QKI: variants seen among roughly 807,000 people sequenced by gnomAD.
QKI encodes the protein KH domain-containing RNA-binding protein QKI.
A neutral mutation model predicts 39.0 loss-of-function variants in QKI; 10 were observed. The ratio of observed to expected loss-of-function variants is 0.26; its 90% CI spans 0.16 to 0.43. The LOEUF is 0.43. QKI is among the 20% of genes least tolerant of loss of function. The pLI is 1.00. For synonymous variants in QKI, 204 were observed against 155.4 expected (o/e 1.31, Z -2.33); for missense variants, 218 against 428.0 (o/e 0.51, Z 4.33).
intron 1 of QKI, among the ~76,000 whole-genome samples, chr6:163,454,107 C>T (rs1314340633): frequency 6.6e-6 from 1 of 152,156 alleles, no homozygotes; most frequent in African/African-American, 2.4e-5. Context: ...GCAAGCCTTT[C>T]TCCCAAGGAG....
intron 1 of QKI, among the ~76,000 whole-genome samples, chr6:163,442,126 G>A (rs1384966802): frequency 2.0e-5 from 3 of 152,172 alleles, no homozygotes; most frequent in Admixed American, 2.0e-4. Flanking sequence ...GCAACAGATT[G>A]AATTCAAGAG....
intron 2 of QKI, among the ~76,000 whole-genome samples, chr6:163,462,877 T>G (rs2128221122): frequency 6.6e-6 from 1 of 152,330 alleles, no homozygotes; most frequent in South Asian, 2.1e-4. Flanking sequence ...TTAAGATTTC[T>G]TTATCTTTTA....
At chr6:163,441,819 C>G (rs1789780630) in intron 1 of QKI, among the ~76,000 whole-genome samples, 1 of 152,082 alleles carries the variant, frequency 6.6e-6, no homozygotes, top group African/African-American at 2.4e-5. Flanking sequence ...CTTGTGTGGA[C>G]TTGTAGCCAG....
At chr6:163,559,004 C>G (rs947670458) in intron 4 of QKI, among the ~76,000 whole-genome samples, 11 of 152,206 alleles carry the variant, frequency 7.2e-5, no homozygotes, top group African/African-American at 2.7e-4. Flanking sequence ...TTTTCATTAT[C>G]CTGCACCCTG....
rs1783786188 is a variant in QKI, at chr6:163,572,877, G to A, written c.*2167G>A. Reference sequence around the variant, plus strand: ...GCTAGCTTTGGTTTAATATGCCACTGCTTTGTCTTTCTGTTACACATACAG... The same window carrying A: ...GCTAGCTTTGGTTTAATATGCCACTACTTTGTCTTTCTGTTACACATACAG... On this transcript the variant is annotated 3_prime_UTR_variant, in exon 8 of 8. Transcript: ENST00000361752. 6.6e-6 allele frequency: 1 copy of A among 152,018 alleles called. No individual in the cohort carries two copies. Among genetic ancestry groups the A allele is most frequent in the African/African-American group, 2.4e-5 (1 of 41,388 alleles). 9.4% of individuals were successfully genotyped at this position (152,018 alleles called of 1,614,324 possible).
rs1791151767 is a variant in QKI, at chr6:163,459,096, C to T, written c.285+3675C>T. On this transcript the variant is annotated intron_variant, in intron 2 of 7. Coordinates refer to ENST00000361752, the MANE Select transcript of QKI (RefSeq NM_006775.3). ...GTCTACTGGTTAGGGTGAAGCCTAG[C>T]TTGATTGAGGCTAACTGGGTGGGTT... Among the ~76,000 whole-genome samples the T allele has an allele frequency of 2.0e-5, 3 of 152,192 alleles. No homozygotes were observed. In the South Asian group the frequency reaches 6.2e-4, roughly 32 times the overall value.
intron 2 of QKI, among the ~76,000 whole-genome samples, chr6:163,471,292 G>C (rs1173038081): frequency 6.6e-6 from 1 of 152,102 alleles, no homozygotes; most frequent in East Asian, 1.9e-4. Context: ...AAAATGGAGA[G>C]AGTTCATTAC....
intron 4 of QKI, among the ~76,000 whole-genome samples, chr6:163,545,162 A>G (rs988609486): frequency 6.6e-5 from 10 of 152,142 alleles, no homozygotes; most frequent in Non-Finnish European, 1.2e-4. Flanking sequence ...GCTTTGGGAA[A>G]AATGATGGCG....
chr6:163,466,238 G>A (rs1791741969), intron 2 of QKI, among the ~76,000 whole-genome samples: 1 of 151,844 alleles, frequency 6.6e-6, no homozygotes, highest in Admixed American at 6.6e-5. Context: ...GTATAACACT[G>A]ATCAAATAAA....
At chr6:163,548,546 T>C (rs1398457952) in intron 4 of QKI, among the ~76,000 whole-genome samples, 5 of 152,162 alleles carry the variant, frequency 3.3e-5, no homozygotes, top group South Asian at 2.1e-4. Flanking sequence ...CAGGTAAATA[T>C]TGTGGTATAT....
At chr6:163,440,232 T>G (rs1789664560) in intron 1 of QKI, among the ~76,000 whole-genome samples, 1 of 152,212 alleles carries the variant, frequency 6.6e-6, no homozygotes, top group South Asian at 2.1e-4. Context: ...CAAATTTAAC[T>G]TTGGGGATGG....
intron 3 of QKI, among the ~76,000 whole-genome samples, chr6:163,496,154 G>A (rs1172675572): frequency 6.6e-6 from 1 of 152,102 alleles, no homozygotes; most frequent in Non-Finnish European, 1.5e-5. Context: ...TATCCCATTC[G>A]TTTGCTGATT....
Position 163,576,400 on chromosome 6 carries a change from ATGT to A in QKI, c.*5696_*5698del, listed in dbSNP as rs939084802. 8 of 152,166 alleles carry A rather than the reference ATGT, an allele frequency of 5.3e-5. No individual in the cohort carries two copies. Among genetic ancestry groups the A allele is most frequent in the Non-Finnish European group, 7.3e-5 (5 of 68,036 alleles). The allele number at this position is 152,166 out of a possible 1,614,324, so 9.4% of individuals were successfully genotyped here. ...GCCACAGTGTTGATTCCACATTATA[ATGT>A]TGTTGCCTCTTCTTGGCAAAAGACA... On this transcript the variant is annotated 3_prime_UTR_variant, in exon 8 of 8. Coordinates refer to ENST00000361752, the MANE Select transcript of QKI (RefSeq NM_006775.3).
chr6:163,522,294 C>G (rs1388232879), intron 3 of QKI, among the ~76,000 whole-genome samples: 1 of 152,092 alleles, frequency 6.6e-6, no homozygotes, highest in Admixed American at 6.5e-5. Context: ...TGTCTGTTCA[C>G]TTGCCTGTCA....
At chr6:163,461,865 CAGTCAAAGGTTATACTG>C (rs1340561453) in intron 2 of QKI, among the ~76,000 whole-genome samples, 1 of 152,176 alleles carries the variant, frequency 6.6e-6, no homozygotes, top group African/African-American at 2.4e-5. Context: ...GGCTATGAAG[CAGTCAAAGGTTATACTG>C]CTTGAACTCT....
At chr6:163,567,833 A>C (rs1783458273) in intron 7 of QKI, 1 of 984,824 alleles carries the variant, frequency 1.0e-6, no homozygotes, top group African/African-American at 1.7e-5. Flanking sequence ...TTTGTACTTC[A>C]ATTGTACATC....
intron 4 of QKI, among the ~76,000 whole-genome samples, chr6:163,561,450 TAAA>T (rs1166499631): frequency 1.3e-5 from 2 of 151,558 alleles, no homozygotes; most frequent in South Asian, 4.2e-4. Flanking sequence ...CTACAAAAAA[TAAA>T]AAAAATTAGC....
intron 1 of QKI, among the ~76,000 whole-genome samples, chr6:163,427,400 T>G (rs958229712): frequency 6.6e-6 from 1 of 152,016 alleles, no homozygotes; most frequent in Non-Finnish European, 1.5e-5. Context: ...TCTTTAAAAT[T>G]TTTAAATTTG....
At chr6:163,419,638 AG>A (rs1186182253) in intron 1 of QKI, among the ~76,000 whole-genome samples, 1 of 152,168 alleles carries the variant, frequency 6.6e-6, no homozygotes, top group Non-Finnish European at 1.5e-5. Flanking sequence ...GGAAAAGATC[AG>A]TTGTATCATT....
Sources: allele counts gnomAD v4.1 joint callset (sites outside exome capture counted in the v4.1 genomes callset), GRCh38; gene constraint gnomAD v4.1.1; transcripts MANE v1.5; gene names NCBI Gene and HGNC (gene_info 2026-07-23, HGNC 2026-07-21).